The following LURAP1L variants were observed in gnomAD, a reference collection of about 807,000 sequenced individuals.
The protein encoded by LURAP1L is leucine rich adaptor protein 1 like.
Under a neutral mutation model 13.8 loss-of-function variants are expected in LURAP1L, and 12 were observed. The observed-to-expected ratio is 0.87, with a 90% CI of 0.56 to 1.41. The LOEUF is 1.41. Among genes scored for constraint, LURAP1L ranks in the 40% most tolerant of loss-of-function variants. LURAP1L has a pLI of 0.00. For missense variants in LURAP1L, 375 were observed against 292.9 expected, an observed-to-expected ratio of 1.28 and a Z score of -2.04; for synonymous variants, 139 against 119.2, an observed-to-expected ratio of 1.17 and a Z score of -1.08.
At chr9:12,777,725 T>G (rs1305769257) in intron 1 of LURAP1L, 1 of 275,412 alleles carries the variant, frequency 3.6e-6, no homozygotes, top group East Asian at 1.8e-4. Flanking sequence ...TCCCAAGGAA[T>G]GATTGGTATG....
intron 1 of LURAP1L, among the ~76,000 whole-genome samples, chr9:12,798,662 T>C (rs1411117550): frequency 6.6e-6 from 1 of 152,226 alleles, no homozygotes; most frequent in Non-Finnish European, 1.5e-5. Flanking sequence ...TTTATGCTAA[T>C]CTGTGGTAGG....
chr9:12,792,258 G>T (rs1272076437), intron 1 of LURAP1L, among the ~76,000 whole-genome samples: 3 of 152,092 alleles, frequency 2.0e-5, no homozygotes, highest in Non-Finnish European at 1.5e-5. Context: ...CTGTATGGAA[G>T]CAAGAATTCT....
chr9:12,777,395 A>G lies in LURAP1L; in HGVS notation c.312+1368A>G, dbSNP rs144025069. On this transcript the variant is annotated intron_variant, in intron 1 of 1. Coordinates refer to ENST00000319264, the MANE Select transcript of LURAP1L (RefSeq NM_203403.2). ...AGACTAACAGGTAAAACTATTTTCC[A>G]CAAGAAAATTTCTTGTACAAGGAAT... is the stretch of plus-strand genomic sequence containing the variant. The G allele has an allele frequency of 1.6e-3, 1,622 of 985,258 alleles. 13 individuals carry two copies. In the African/African-American group the frequency reaches 0.026, roughly 16 times the overall value. 61.0% of individuals were successfully genotyped at this position (985,258 alleles called of 1,614,324 possible). A position where few individuals can be genotyped will look rare whatever the true frequency, so the allele number is the denominator to read the frequency against.
At chr9:12,795,472 G>C (rs996450915) in intron 1 of LURAP1L, among the ~76,000 whole-genome samples, 5 of 152,022 alleles carry the variant, frequency 3.3e-5, no homozygotes, top group African/African-American at 1.2e-4. Context: ...TCGAGAAAGT[G>C]ATTAGAGAAA....
rs1468526570 is a variant in LURAP1L at position 12,780,082 on chromosome 9, G to A, written c.312+4055G>A. Among the ~76,000 whole-genome samples, 5 of 152,290 alleles carry A rather than the reference G, an allele frequency of 3.3e-5. No homozygotes were observed. The East Asian group carries it at 9.6e-4, about 29-fold the overall frequency. ...AATATTCATGATGTAGGAGTATCAA[G>A]AGCTTTTCATTGGTAGCATTTTAGT... On this transcript the variant is annotated intron_variant, in intron 1 of 1. Coordinates refer to ENST00000319264, the MANE Select transcript of LURAP1L (RefSeq NM_203403.2).
chr9:12,821,256 C>A, intron 1 of LURAP1L, 130 bp from the exon 2 acceptor site: 1 of 1,101,408 alleles, frequency 9.1e-7, no homozygotes, highest in Non-Finnish European at 1.3e-6. Context: ...AAGTTCCTGA[C>A]AACCAGTCCA....
chr9:12,792,158 T>C (rs534003017), intron 1 of LURAP1L, among the ~76,000 whole-genome samples: 156 of 152,208 alleles, frequency 1.0e-3, no homozygotes, highest in African/African-American at 3.7e-3. Flanking sequence ...AAATATAAAA[T>C]AGTAGCTGGG....
chr9:12,812,501 T>G (rs1357974191), intron 1 of LURAP1L, among the ~76,000 whole-genome samples: 1 of 152,122 alleles, frequency 6.6e-6, no homozygotes, highest in Non-Finnish European at 1.5e-5. Context: ...TCAAGTCAGT[T>G]CTCCCCTACA....
Position 12,822,074 on chromosome 9 carries a change from G to A in LURAP1L, c.*314G>A. The A allele has an allele frequency of 8.8e-6, 2 of 226,506 alleles. No homozygotes were observed. The highest frequency in any genetic ancestry group is 9.5e-5 in the East Asian group (1 of 10,544). The allele number at this position is 226,506 out of a possible 1,614,324, so 14.0% of individuals were successfully genotyped here. A position where few individuals can be genotyped will look rare whatever the true frequency, so the allele number is the denominator to read the frequency against. Reference sequence around the variant, plus strand: ...TTTTGTTTTCAGAGCAATGGGTCAGGGATTACAAGAAAAACTTTGCTAAAT... The same window carrying A: ...TTTTGTTTTCAGAGCAATGGGTCAGAGATTACAAGAAAAACTTTGCTAAAT... On this transcript the variant is annotated 3_prime_UTR_variant, in exon 2 of 2. Transcript: ENST00000319264.
intron 1 of LURAP1L, among the ~76,000 whole-genome samples, chr9:12,804,469 A>AGTAG (rs1014745522): frequency 4.0e-5 from 6 of 151,104 alleles, no homozygotes; most frequent in African/African-American, 1.5e-4. Flanking sequence ...AAGGCTTCCC[A>AGTAG]GTAGGTGGGA....
At chr9:12,790,169 G>C (rs930202372) in intron 1 of LURAP1L, among the ~76,000 whole-genome samples, 2 of 151,984 alleles carry the variant, frequency 1.3e-5, no homozygotes, top group African/African-American at 2.4e-5. Flanking sequence ...AAAGTCTGTG[G>C]ACAAAATTCT....
intron 1 of LURAP1L, among the ~76,000 whole-genome samples, chr9:12,796,352 A>G (rs1819511746): frequency 6.6e-6 from 1 of 151,974 alleles, no homozygotes. Flanking sequence ...TTATTCAAGC[A>G]TTTATCTTCT....
In LURAP1L at chr9:12,821,506, C is replaced by A; in HGVS notation, c.433C>A (p.Leu145Ile). ...KATITSRGSS[L>I]SGSLCSLLES... ...CACCATTACCAGCAGAGGCAGCAGC[C>A]TCAGTGGCAGCCTGTGCAGTTTGTT... Residue 145 changes from leucine to isoleucine, a missense_variant, in exon 2 of 2, where the codon CTC becomes ATC. Coordinates refer to ENST00000319264, the MANE Select transcript of LURAP1L (RefSeq NM_203403.2). 1 of 1,614,178 alleles carries A rather than the reference C, an allele frequency of 6.2e-7. No homozygotes were observed. Among genetic ancestry groups the A allele is most frequent in the Non-Finnish European group, 8.5e-7 (1 of 1,180,030 alleles).
chr9:12,783,097 G>A (rs1236375532), intron 1 of LURAP1L, among the ~76,000 whole-genome samples: 2 of 151,976 alleles, frequency 1.3e-5, no homozygotes, highest in Admixed American at 1.3e-4. Flanking sequence ...CAGTTCTAAT[G>A]ATTTCTTGGT....
chr9:12,794,093 TA>T (rs1490760635), intron 1 of LURAP1L, among the ~76,000 whole-genome samples: 4 of 152,060 alleles, frequency 2.6e-5, no homozygotes, highest in South Asian at 4.1e-4. Context: ...TTGTTGAGTT[TA>T]AAACGGAGAT....
chr9:12,775,466 G>T lies in LURAP1L; in HGVS notation c.-250G>T. Reference sequence around the variant, plus strand: ...GGTGGCCAAAAAGAGAGAGAATGAGGAGATCTTGATCATCTTAGTGTCGGA... The same window carrying T: ...GGTGGCCAAAAAGAGAGAGAATGAGTAGATCTTGATCATCTTAGTGTCGGA... On this transcript the variant is annotated 5_prime_UTR_variant, in exon 1 of 2. Coordinates refer to ENST00000319264, the MANE Select transcript of LURAP1L (RefSeq NM_203403.2). 2.2e-6 allele frequency: 1 copy of T among 459,316 alleles called. No homozygotes were observed. The highest frequency in any genetic ancestry group is 3.7e-6 in the Non-Finnish European group (1 of 269,266). The allele number at this position is 459,316 out of a possible 1,614,324, so 28.5% of individuals were successfully genotyped here.
chr9:12,816,455 A>G (rs1819805964), intron 1 of LURAP1L, among the ~76,000 whole-genome samples: 1 of 152,198 alleles, frequency 6.6e-6, no homozygotes, highest in Admixed American at 6.5e-5. Context: ...TGGCAGTGGC[A>G]GATTGGAGTC....
chr9:12,793,818 C>T (rs7866000), intron 1 of LURAP1L, among the ~76,000 whole-genome samples: 26,451 of 151,794 alleles, frequency 0.17, 2,706 homozygotes, highest in Non-Finnish European at 0.23. Flanking sequence ...TGAAGAGTGG[C>T]GCCTGCACAA....
intron 1 of LURAP1L, chr9:12,777,109 A>C (rs1819196828): frequency 2.4e-6 from 1 of 421,166 alleles, no homozygotes; most frequent in South Asian, 1.0e-4. Context: ...GGAGATTTCT[A>C]TCACTCCGAC....
Sources: allele counts gnomAD v4.1 joint callset (sites outside exome capture counted in the v4.1 genomes callset), GRCh38; gene constraint gnomAD v4.1.1; transcripts MANE v1.5; gene names NCBI Gene and HGNC (gene_info 2026-07-23, HGNC 2026-07-21).